MEIKIN: variants seen among roughly 807,000 people sequenced by gnomAD.
MEIKIN encodes meiotic kinetochore factor.
intron 8 of MEIKIN, among the ~76,000 whole-genome samples, chr5:131,888,059 A>T (rs1248918817): frequency 2.8e-5 from 4 of 144,052 alleles, no homozygotes; most frequent in African/African-American, 5.4e-5. Context: ...TTATGGCTGC[A>T]TAGTATTCCA....
At chr5:131,864,460 T>C (rs1030460064) in intron 9 of MEIKIN, among the ~76,000 whole-genome samples, 13 of 152,252 alleles carry the variant, frequency 8.5e-5, no homozygotes, top group Non-Finnish European at 1.6e-4. Context: ...AAATACTTTA[T>C]TTCTCCTTCA....
rs182352970 is a variant in MEIKIN at position 131,901,573 on chromosome 5, T to C, written c.703+10242A>G. ...CACTGCCACTGCCCTGTGAAGAGCT[T>C]TGGCTGGCACCACTCATCAGAGTGC... On this transcript the variant is annotated intron_variant, in intron 8 of 12. Transcript: ENST00000442687. 1.5e-3 allele frequency among the ~76,000 whole-genome samples: 226 copies of C among 152,310 alleles called. 5 individuals carry two copies. The highest frequency in any genetic ancestry group is 1.4e-3 in the South Asian group (7 of 4,828).
intron 9 of MEIKIN, among the ~76,000 whole-genome samples, chr5:131,861,294 T>TA (rs1051100373): frequency 6.6e-6 from 1 of 151,636 alleles, no homozygotes; most frequent in African/African-American, 2.4e-5. Flanking sequence ...GAGGCTGAGG[T>TA]AGGATAACTG....
chr5:131,843,593 T>C (rs904637559), intron 11 of MEIKIN, among the ~76,000 whole-genome samples: 3 of 152,254 alleles, frequency 2.0e-5, no homozygotes, highest in Admixed American at 6.5e-5. Flanking sequence ...AGGAGCACAA[T>C]GCTGCCAGTA....
At chr5:131,811,355 T>A (rs987413376) in intron 12 of MEIKIN, among the ~76,000 whole-genome samples, 20 of 151,982 alleles carry the variant, frequency 1.3e-4, no homozygotes, top group Admixed American at 5.2e-4. Flanking sequence ...CTTTTTTTTT[T>A]TTTTAATTTT....
chr5:131,821,169 T>C (rs763377196), intron 11 of MEIKIN, among the ~76,000 whole-genome samples: 5 of 152,222 alleles, frequency 3.3e-5, no homozygotes, highest in Non-Finnish European at 7.3e-5. Context: ...CTGCTTTTGC[T>C]GTATCCCATA....
intron 5 of MEIKIN, 53 bp from the exon 6 acceptor site, chr5:131,921,994 G>T (rs1171004037): frequency 2.5e-6 from 1 of 398,124 alleles, no homozygotes; most frequent in Non-Finnish European, 4.4e-6. Context: ...GCCTACAAAT[G>T]ATGGGTTACT....
At position 131,841,977 on chromosome 5, in the gene MEIKIN, A is replaced by G. The variant is rs1044556630; in HGVS notation, c.975+9287T>C. ...GTCTTTAGTTTTTCTTTCATGTGAA[A>G]TCATGTCATCTACAGAGACAATTTA... is the stretch of plus-strand genomic sequence containing the variant. On this transcript the variant is annotated intron_variant, in intron 11 of 12. Coordinates refer to ENST00000442687, the MANE Select transcript of MEIKIN (RefSeq NM_001303622.2). Among the ~76,000 whole-genome samples, 5 of 152,064 alleles carry G rather than the reference A, an allele frequency of 3.3e-5. No individual in the cohort carries two copies. In the East Asian group the frequency reaches 7.7e-4, roughly 24 times the overall value.
At chr5:131,892,506 T>C (rs1298346917) in intron 8 of MEIKIN, among the ~76,000 whole-genome samples, 6 of 152,236 alleles carry the variant, frequency 3.9e-5, no homozygotes, top group South Asian at 2.1e-4. Flanking sequence ...GTTGATTGCA[T>C]TGGCTGCTGA....
chr5:131,923,067 T>A (rs145997244), intron 5 of MEIKIN, among the ~76,000 whole-genome samples: 1 of 152,322 alleles, frequency 6.6e-6, no homozygotes, highest in Non-Finnish European at 1.5e-5. Flanking sequence ...AATATTTTAT[T>A]TGTGTAGAGA....
At chr5:131,899,144 A>G (rs946778570) in intron 8 of MEIKIN, among the ~76,000 whole-genome samples, 2 of 152,302 alleles carry the variant, frequency 1.3e-5, no homozygotes, top group African/African-American at 4.8e-5. Flanking sequence ...TCAAGACATA[A>G]TGCAATAAGA....
intron 12 of MEIKIN, among the ~76,000 whole-genome samples, chr5:131,817,791 G>A (rs1252548883): frequency 1.3e-5 from 2 of 152,128 alleles, no homozygotes; most frequent in Admixed American, 1.3e-4. Context: ...AGGTACTGTG[G>A]AGGAAATAAG....
intron 8 of MEIKIN, among the ~76,000 whole-genome samples, chr5:131,894,813 G>C (rs913298441): frequency 1.3e-5 from 2 of 152,126 alleles, no homozygotes; most frequent in Non-Finnish European, 2.9e-5. Flanking sequence ...TGACGATGGG[G>C]TTTTCTAGAT....
At chr5:131,877,873 T>G (rs919077058) in intron 9 of MEIKIN, among the ~76,000 whole-genome samples, 9 of 152,206 alleles carry the variant, frequency 5.9e-5, no homozygotes, top group African/African-American at 2.2e-4. Flanking sequence ...ATAAACAATC[T>G]GTAAGTTTTA....
At chr5:131,882,432 G>C (rs912103569) in intron 8 of MEIKIN, among the ~76,000 whole-genome samples, 1 of 152,128 alleles carries the variant, frequency 6.6e-6, no homozygotes, top group African/African-American at 2.4e-5. Context: ...GATGGACAAA[G>C]CAGAAAGAAT....
At chr5:131,808,466 A>G (rs1489960989) in intron 12 of MEIKIN, among the ~76,000 whole-genome samples, 1 of 152,158 alleles carries the variant, frequency 6.6e-6, no homozygotes, top group African/African-American at 2.4e-5. Flanking sequence ...CTTTCTTACT[A>G]CGCTGCACCA....
At position 131,868,093 on chromosome 5, in the gene MEIKIN, GT is replaced by G. The variant is rs555662288; in HGVS notation, c.774+10884del. Among the ~76,000 whole-genome samples the G allele has an allele frequency of 6.4e-3, 967 of 152,258 alleles. 8 individuals are homozygous for G. The highest frequency in any genetic ancestry group is 0.022 in the African/African-American group (906 of 41,534). Reference sequence around the variant, plus strand: ...TGTGTAATAATAACTCGCTGTTGCTGTTTCTGGTTTTTTTGAAACAGAGTCT... The same window carrying G: ...TGTGTAATAATAACTCGCTGTTGCTGTTCTGGTTTTTTTGAAACAGAGTCT... On this transcript the variant is annotated intron_variant, in intron 9 of 12. Coordinates refer to ENST00000442687, the MANE Select transcript of MEIKIN (RefSeq NM_001303622.2).
chr5:131,878,960 T>C lies in MEIKIN; in HGVS notation c.774+18A>G. Reference sequence around the variant, plus strand: ...AAATGTATTATGATTTATGTAGTTATTCTGCTTCAATACTTGCTTTTTTCT... The same window carrying C: ...AAATGTATTATGATTTATGTAGTTACTCTGCTTCAATACTTGCTTTTTTCT... On this transcript the variant is annotated intron_variant, in intron 9 of 12. Transcript: ENST00000442687. 1 of 398,622 alleles carries C rather than the reference T, an allele frequency of 2.5e-6. No individual in the cohort carries two copies. The highest frequency in any genetic ancestry group is 4.4e-6 in the Non-Finnish European group (1 of 225,850). The allele number at this position is 398,622 out of a possible 1,614,324, so 24.7% of individuals were successfully genotyped here. A position where few individuals can be genotyped will look rare whatever the true frequency, so the allele number is the denominator to read the frequency against.
rs1396708333 is a variant in MEIKIN, at chr5:131,841,254, A to G, written c.975+10010T>C. Among the ~76,000 whole-genome samples the G allele has an allele frequency of 3.9e-5, 6 of 152,246 alleles. No individual in the cohort carries two copies. The South Asian group carries it at 1.2e-3, about 32-fold the overall frequency. ...GGTTGCGGGGGTGAGGTGCTCCCAG[A>G]CTACTGGTCTCTACAATCCAATGGG... On this transcript the variant is annotated intron_variant, in intron 11 of 12. Transcript: ENST00000442687.
Sources: gnomAD v4.1 joint callset for allele counts (sites outside exome capture counted in the v4.1 genomes callset) on GRCh38, gnomAD v4.1.1 for gene constraint, MANE v1.5 for transcripts, NCBI Gene and HGNC (gene_info 2026-07-23, HGNC 2026-07-21) for gene names.